The following RPH3AL variants were observed in gnomAD, a reference collection of about 807,000 sequenced individuals.
RPH3AL encodes rab effector Noc2.
Under a neutral mutation model 43.1 loss-of-function variants are expected in RPH3AL, and 38 were observed. That is an observed-to-expected ratio of 0.88 (90% CI 0.68 to 1.15). The LOEUF is 1.15. Ranked by LOEUF, RPH3AL falls within the 50% of genes most tolerant of loss-of-function variation. The pLI is 0.00. For missense variants in RPH3AL, 462 were observed against 423.2 expected (o/e 1.09, Z -0.81); for synonymous variants, 189 against 176.3 (o/e 1.07, Z -0.57).
intron 3 of RPH3AL, 39 bp from the exon 4 acceptor site, chr17:321,454 C>T (rs550056465): frequency 6.0e-5 from 91 of 1,521,844 alleles, no homozygotes; most frequent in Middle Eastern, 1.8e-4. Flanking sequence ...GAGGCCTCCC[C>T]GGTGCAAACT....
chr17:324,088 C>T (rs1215782813), intron 3 of RPH3AL, among the ~76,000 whole-genome samples: 3 of 152,200 alleles, frequency 2.0e-5, no homozygotes, highest in Non-Finnish European at 4.4e-5. Context: ...GACCCTGAGG[C>T]ACCCCGCCCC....
intron 5 of RPH3AL, among the ~76,000 whole-genome samples, chr17:299,690 G>A (rs2043273341): frequency 6.6e-6 from 1 of 152,238 alleles, no homozygotes; most frequent in Non-Finnish European, 1.5e-5. Flanking sequence ...AGCTTGCAGG[G>A]CACGGCCGAC....
chr17:313,995 C>G (rs907718772), intron 5 of RPH3AL, among the ~76,000 whole-genome samples: 18 of 152,184 alleles, frequency 1.2e-4, no homozygotes, highest in African/African-American at 3.6e-4. Context: ...TGCTCAACAC[C>G]AAGAACCATC....
intron 5 of RPH3AL, among the ~76,000 whole-genome samples, chr17:293,061 C>T (rs975925968): frequency 6.6e-6 from 1 of 152,176 alleles, no homozygotes; most frequent in African/African-American, 2.4e-5. Flanking sequence ...AGGGCCGAGC[C>T]GCCTCTCTTT....
Position 323,806 on chromosome 17 carries a change from G to A in RPH3AL, c.78-2391C>T, listed in dbSNP as rs566369557. Among the ~76,000 whole-genome samples the A allele has an allele frequency of 2.6e-5, 4 of 151,380 alleles. No homozygotes were observed. The highest frequency in any genetic ancestry group is 4.8e-5 in the African/African-American group (2 of 41,252). On this transcript the variant is annotated intron_variant, in intron 3 of 9. Coordinates refer to ENST00000331302, the MANE Select transcript of RPH3AL (RefSeq NM_006987.4). The surrounding 1 kb of genome is among the most constrained non-coding windows in gnomAD (Gnocchi z 4.4). ...CTCACAGTCACCCCGAGGCAGGCCC[G>A]GACCCTCCATCACCCCGCGAGACAG... is the stretch of plus-strand genomic sequence containing the variant.
chr17:332,845 G>A, intron 2 of RPH3AL: 1 of 429,420 alleles, frequency 2.3e-6, no homozygotes, highest in Non-Finnish European at 4.0e-6. Flanking sequence ...ACGCTGAGCA[G>A]AGGCAGCACT....
At chr17:332,925 G>A (rs2044826421) in intron 2 of RPH3AL, 2 of 973,792 alleles carry the variant, frequency 2.1e-6, no homozygotes, top group African/African-American at 3.4e-5. Context: ...GGACTAGGAG[G>A]ACCCGAGGGG....
chr17:217,253 TTTC>T (rs1346691664), intron 8 of RPH3AL, among the ~76,000 whole-genome samples: 1 of 123,220 alleles, frequency 8.1e-6, no homozygotes, highest in East Asian at 2.5e-4. Flanking sequence ...TATGGAGCCC[TTTC>T]TTCTTCTGCA....
At chr17:259,744 C>T (rs1194249107) in intron 6 of RPH3AL, among the ~76,000 whole-genome samples, 1 of 152,250 alleles carries the variant, frequency 6.6e-6, no homozygotes, top group Non-Finnish European at 1.5e-5. Flanking sequence ...GCAGTAAACG[C>T]TCCTGGTACC....
intron 3 of RPH3AL, 52 bp from the exon 4 acceptor site, chr17:321,467 G>T (rs755642597): frequency 1.3e-6 from 2 of 1,504,324 alleles, no homozygotes; most frequent in Non-Finnish European, 8.9e-7. Context: ...TGCAAACTCC[G>T]GCAGCCCCTA....
At chr17:267,207 C>T (rs1280541588) in intron 6 of RPH3AL, among the ~76,000 whole-genome samples, 5 of 152,252 alleles carry the variant, frequency 3.3e-5, no homozygotes, top group African/African-American at 1.2e-4. Flanking sequence ...ATCTGCTGCT[C>T]TTAATGACTT....
chr17:350,559 C>T (rs1375275151), intron 1 of RPH3AL, among the ~76,000 whole-genome samples: 2 of 151,962 alleles, frequency 1.3e-5, no homozygotes, highest in Non-Finnish European at 2.9e-5. Context: ...TGCAGTGAGC[C>T]GAGATCGCAC....
chr17:262,266 T>C (rs947088317), intron 6 of RPH3AL, among the ~76,000 whole-genome samples: 3 of 152,096 alleles, frequency 2.0e-5, no homozygotes, highest in African/African-American at 7.2e-5. Flanking sequence ...TCACCCAGGC[T>C]GGAGTGCAGC....
intron 6 of RPH3AL, among the ~76,000 whole-genome samples, chr17:273,784 C>T (rs1206982286): frequency 6.6e-6 from 1 of 152,234 alleles, no homozygotes; most frequent in Admixed American, 6.5e-5. Flanking sequence ...GGCTGTGGCC[C>T]GTGGCTGCCG....
intron 6 of RPH3AL, among the ~76,000 whole-genome samples, chr17:265,143 G>A (rs891682717): frequency 1.3e-5 from 2 of 152,164 alleles, no homozygotes; most frequent in Non-Finnish European, 2.9e-5. Context: ...CTGGAATGTA[G>A]TGGTGCGGTC....
chr17:331,167 C>G (rs1326661159), intron 2 of RPH3AL: 1 of 154,184 alleles, frequency 6.5e-6, no homozygotes, highest in Non-Finnish European at 1.4e-5. Flanking sequence ...CCAGCCCAGT[C>G]CACAGGACAG....
intron 5 of RPH3AL, among the ~76,000 whole-genome samples, chr17:297,305 T>C (rs2043207222): frequency 6.6e-6 from 1 of 152,238 alleles, no homozygotes; most frequent in Admixed American, 6.5e-5. Flanking sequence ...CCAGTCAACA[T>C]AAGCAAAGTG....
chr17:319,602 T>C (rs2044402985), intron 4 of RPH3AL, 53 bp from the exon 5 acceptor site: 1 of 1,599,918 alleles, frequency 6.3e-7, no homozygotes. Context: ...CTGGGCACAG[T>C]TGCACTGAGG....
chr17:315,089 T>A (rs138649545), intron 5 of RPH3AL, among the ~76,000 whole-genome samples: 2 of 13,592 alleles, frequency 1.5e-4, no homozygotes, highest in South Asian at 2.4e-3. Context: ...CTCCACTGAA[T>A]TGTAGTCCCT....
Sources: gnomAD v4.1 joint callset for allele counts (sites outside exome capture counted in the v4.1 genomes callset) on GRCh38, gnomAD v4.1.1 for gene constraint, Gnocchi (gnomAD v3.1) non-coding constraint, MANE v1.5 for transcripts, NCBI Gene and HGNC (gene_info 2026-07-23, HGNC 2026-07-21) for gene names.